Variants in KIF6 observed in about 807,000 individuals in gnomAD.
KIF6 encodes kinesin family member 6.
In KIF6, 106 loss-of-function variants were observed where a neutral mutation model predicts 112.7. That is an observed-to-expected ratio of 0.94 (90% CI 0.80 to 1.11). The LOEUF (loss-of-function observed/expected upper bound fraction) is 1.11, where lower values mean the gene tolerates loss of function less well. Ranked by LOEUF, KIF6 falls within the 50% of genes least tolerant of loss-of-function variation. The pLI is 0.00. For synonymous variants in KIF6, 339 were observed against 339.9 expected (o/e 1.00, Z 0.03); for missense variants, 929 against 964.0 (o/e 0.96, Z 0.48).
At chr6:39,562,359 T>A (rs1343610208) in intron 10 of KIF6, among the ~76,000 whole-genome samples, 1 of 152,226 alleles carries the variant, frequency 6.6e-6, no homozygotes, top group Admixed American at 6.5e-5. Flanking sequence ...AGAGGAGACA[T>A]GAGTCCTTTT....
intron 3 of KIF6, among the ~76,000 whole-genome samples, chr6:39,704,940 A>G (rs1347245524): frequency 6.6e-6 from 1 of 152,252 alleles, no homozygotes; most frequent in Admixed American, 6.5e-5. Context: ...GTTATGACAT[A>G]GGTCTCATGT....
intron 13 of KIF6, among the ~76,000 whole-genome samples, chr6:39,519,343 T>A (rs1351863792): frequency 2.0e-5 from 3 of 152,210 alleles, no homozygotes; most frequent in Non-Finnish European, 4.4e-5. Context: ...ACATAGTTTA[T>A]CATGTCATGG....
intron 14 of KIF6, among the ~76,000 whole-genome samples, chr6:39,421,256 G>A (rs1281930806): frequency 6.6e-6 from 1 of 152,206 alleles, no homozygotes; most frequent in Admixed American, 6.5e-5. Context: ...CCTGGGTTTT[G>A]TGGATCCACA....
chr6:39,457,788 C>T (rs1049993205), intron 13 of KIF6, among the ~76,000 whole-genome samples: 1 of 151,972 alleles, frequency 6.6e-6, no homozygotes, highest in Admixed American at 6.6e-5. Flanking sequence ...GGGTACAATC[C>T]TCGACACATA....
chr6:39,468,883 T>C (rs1221832107), intron 13 of KIF6, among the ~76,000 whole-genome samples: 1 of 152,098 alleles, frequency 6.6e-6, no homozygotes, highest in African/African-American at 2.4e-5. Flanking sequence ...AGTATGTATA[T>C]AATTTTATTG....
At chr6:39,469,911 A>G (rs912548877) in intron 13 of KIF6, among the ~76,000 whole-genome samples, 8 of 152,224 alleles carry the variant, frequency 5.3e-5, no homozygotes, top group African/African-American at 1.7e-4. Flanking sequence ...GAAAAGATCA[A>G]TAAGGAAATA....
At chr6:39,678,542 T>C (rs552286444) in intron 3 of KIF6, among the ~76,000 whole-genome samples, 1 of 152,340 alleles carries the variant, frequency 6.6e-6, no homozygotes, top group East Asian at 1.9e-4. Context: ...ACATTCCCAC[T>C]GTGTTCCACT....
chr6:39,699,136 G>T (rs1402430684), intron 3 of KIF6, among the ~76,000 whole-genome samples: 2 of 152,134 alleles, frequency 1.3e-5, no homozygotes, highest in South Asian at 4.1e-4. Flanking sequence ...TGTGAAGCTT[G>T]CATTCTAGCA....
chr6:39,473,390 GT>G (rs1774247874), intron 13 of KIF6, among the ~76,000 whole-genome samples: 1 of 152,072 alleles, frequency 6.6e-6, no homozygotes, highest in South Asian at 2.1e-4. Flanking sequence ...TTCCCTACAG[GT>G]TTTCCAATTT....
chr6:39,681,663 T>C (rs1283985874), intron 3 of KIF6, among the ~76,000 whole-genome samples: 1 of 152,184 alleles, frequency 6.6e-6, no homozygotes, highest in Non-Finnish European at 1.5e-5. Context: ...GTTCACTAGA[T>C]AGATCTCACT....
At chr6:39,547,580 T>A (rs919105715) in intron 10 of KIF6, among the ~76,000 whole-genome samples, 4 of 152,146 alleles carry the variant, frequency 2.6e-5, no homozygotes, top group African/African-American at 9.7e-5. Context: ...TTTAAAAAAA[T>A]TTGATACCTT....
intron 13 of KIF6, among the ~76,000 whole-genome samples, chr6:39,536,104 G>C (rs1372806316): frequency 2.0e-5 from 3 of 151,184 alleles, no homozygotes; most frequent in African/African-American, 4.9e-5. Context: ...GCCCACAAGA[G>C]AAAGCAGGAA....
intron 13 of KIF6, among the ~76,000 whole-genome samples, chr6:39,468,224 G>A (rs777072993): frequency 3.3e-4 from 50 of 152,114 alleles, no homozygotes; most frequent in Admixed American, 7.9e-4. Context: ...TCAGTGAAAT[G>A]TGGGGCACCA....
At chr6:39,604,458 C>T (rs1203736970) in intron 6 of KIF6, among the ~76,000 whole-genome samples, 2 of 152,100 alleles carry the variant, frequency 1.3e-5, no homozygotes, top group African/African-American at 2.4e-5. Flanking sequence ...GAACACACTG[C>T]CTAGCAACAA....
intron 13 of KIF6, among the ~76,000 whole-genome samples, chr6:39,478,806 G>T (rs1774614183): frequency 6.6e-6 from 1 of 151,114 alleles, no homozygotes; most frequent in Non-Finnish European, 1.5e-5. Flanking sequence ...TTACGGGAGT[G>T]AGTTGGTATT....
At chr6:39,631,078 T>A (rs1313589260) in intron 5 of KIF6, among the ~76,000 whole-genome samples, 2 of 152,088 alleles carry the variant, frequency 1.3e-5, no homozygotes, top group Non-Finnish European at 2.9e-5. Flanking sequence ...CTGCTAATAT[T>A]TTATTGAGGA....
intron 13 of KIF6, among the ~76,000 whole-genome samples, chr6:39,482,805 C>T (rs894060181): frequency 2.6e-5 from 4 of 152,176 alleles, no homozygotes; most frequent in Non-Finnish European, 5.9e-5. Flanking sequence ...TACCATAAGC[C>T]ATTGCAGATG....
At chr6:39,719,542 G>T (rs1480908145) in intron 2 of KIF6, among the ~76,000 whole-genome samples, 2 of 152,052 alleles carry the variant, frequency 1.3e-5, no homozygotes, top group Non-Finnish European at 2.9e-5. Context: ...ATTTAATTTG[G>T]GCTCAAACTT....
At chr6:39,400,376 A>C (rs1476850653) in intron 15 of KIF6, among the ~76,000 whole-genome samples, 3 of 152,238 alleles carry the variant, frequency 2.0e-5, no homozygotes, top group African/African-American at 7.2e-5. Context: ...CAAACTGCTG[A>C]AGAAATGAAA....
Sources: allele counts gnomAD v4.1 joint callset (sites outside exome capture counted in the v4.1 genomes callset), GRCh38; gene constraint gnomAD v4.1.1; transcripts MANE v1.5; gene names NCBI Gene and HGNC (gene_info 2026-07-23, HGNC 2026-07-21).